BNC2: variants seen among roughly 807,000 people sequenced by gnomAD.
BNC2 encodes zinc finger protein basonuclin-2.
In BNC2, 20 loss-of-function variants were observed where a neutral mutation model predicts 76.3. That is an observed-to-expected ratio of 0.26 (90% CI 0.18 to 0.38). BNC2 has a LOEUF of 0.38. Among genes scored for constraint, BNC2 ranks in the 10% least tolerant of loss-of-function variants. BNC2 has a pLI of 1.00. For synonymous variants in BNC2, 582 were observed against 514.8 expected (o/e 1.13, Z -1.77); for missense variants, 1,382 against 1,399.8 (o/e 0.99, Z 0.20).
chr9:16,471,565 T>G (rs1001801790), intron 5 of BNC2, among the ~76,000 whole-genome samples: 8 of 152,186 alleles, frequency 5.3e-5, no homozygotes, highest in African/African-American at 1.7e-4. Context: ...GTGCCAGGAT[T>G]ACAGGCGTGA....
intron 2 of BNC2, among the ~76,000 whole-genome samples, chr9:16,731,720 C>T (rs3850447): frequency 0.9 from 136,668 of 152,148 alleles, 61,421 homozygotes; most frequent in Non-Finnish European, 0.92. Context: ...AATTTATAGA[C>T]TGCTGTAATT....
intron 3 of BNC2, among the ~76,000 whole-genome samples, chr9:16,688,456 C>A (rs1823043426): frequency 6.6e-6 from 1 of 152,010 alleles, no homozygotes. Context: ...ATGGGGTGTG[C>A]CTAACCATTA....
chr9:16,485,475 A>T lies in BNC2; in HGVS notation c.670-47951T>A, dbSNP rs143937153. ...CATCACCCAGCCACAAGCCTTCTGG[A>T]ATTTCTGCTTAATTTAATAAGAGAC... On this transcript the variant is annotated intron_variant, in intron 5 of 6. Coordinates refer to ENST00000380672, the MANE Select transcript of BNC2 (RefSeq NM_017637.6). 3.3e-5 allele frequency among the ~76,000 whole-genome samples: 5 copies of T among 152,296 alleles called. No homozygotes were observed. The East Asian group carries it at 9.6e-4, about 29-fold the overall frequency.
At chr9:16,846,342 T>A (rs569298815) in intron 1 of BNC2, among the ~76,000 whole-genome samples, 1 of 152,274 alleles carries the variant, frequency 6.6e-6, no homozygotes, top group Non-Finnish European at 1.5e-5. Flanking sequence ...TTTTCACTAT[T>A]TCCTTAAGCA....
At chr9:16,717,535 C>G (rs572246357) in intron 3 of BNC2, among the ~76,000 whole-genome samples, 1 of 152,262 alleles carries the variant, frequency 6.6e-6, no homozygotes, top group South Asian at 2.1e-4. Context: ...AAGCTTTAAG[C>G]TGGTCTCCTC....
intron 2 of BNC2, among the ~76,000 whole-genome samples, chr9:16,733,017 T>C (rs889641292): frequency 1.3e-5 from 2 of 152,230 alleles, no homozygotes; most frequent in African/African-American, 4.8e-5. Flanking sequence ...AACCAGACTT[T>C]ACCATGTAAA....
intron 6 of BNC2, chr9:16,435,037 C>T (rs542822387): frequency 2.3e-5 from 11 of 471,506 alleles, no homozygotes; most frequent in Admixed American, 1.4e-4. Flanking sequence ...GTTATACCTA[C>T]GGAGATGCAG....
intron 4 of BNC2, among the ~76,000 whole-genome samples, chr9:16,561,700 TGA>T (rs1819021163): frequency 1.3e-5 from 2 of 152,188 alleles, no homozygotes; most frequent in African/African-American, 4.8e-5. Flanking sequence ...ATTCACAATT[TGA>T]TTATTAAAAG....
At position 16,643,050 on chromosome 9, in the gene BNC2, G is replaced by A. The variant is rs146557397; in HGVS notation, c.331-59965C>T. Among the ~76,000 whole-genome samples the A allele has an allele frequency of 7.7e-4, 117 of 152,232 alleles. 1 individual carries two copies. Among genetic ancestry groups the A allele is most frequent in the African/African-American group, 2.8e-3 (117 of 41,532 alleles). ...GCCAACAGTAAGTGCTCCCTAAACT[G>A]AGCTATGATTATCACAGTAGAAAGA... On this transcript the variant is annotated intron_variant, in intron 3 of 6. Transcript: ENST00000380672.
chr9:16,750,658 T>C (rs1213099978), intron 1 of BNC2, among the ~76,000 whole-genome samples: 3 of 152,246 alleles, frequency 2.0e-5, no homozygotes, highest in African/African-American at 4.8e-5. Context: ...CCAAGTTCAG[T>C]ATCTCTGAAT....
At chr9:16,435,086 G>A (rs763943749) in intron 6 of BNC2, 20 of 471,240 alleles carry the variant, frequency 4.2e-5, no homozygotes, top group South Asian at 7.7e-5. Context: ...CTTTCCATCC[G>A]TAAATTTCTG....
Position 16,414,802 on chromosome 9 carries a change from C to G in BNC2, c.*4187G>C, listed in dbSNP as rs1235790273. On this transcript the variant is annotated 3_prime_UTR_variant, in exon 7 of 7. Transcript: ENST00000380672. ...TCATTCTCATTTGCTTGGCACATAT[C>G]TGGGGTGTGTACAGAGAAAGGGGAA... is the stretch of plus-strand genomic sequence containing the variant. 1 of 151,920 alleles carries G rather than the reference C, an allele frequency of 6.6e-6. No homozygotes were observed. Among genetic ancestry groups the G allele is most frequent in the East Asian group, 1.9e-4 (1 of 5,176 alleles). 9.4% of individuals were successfully genotyped at this position (151,920 alleles called of 1,614,324 possible).
At chr9:16,682,379 T>A (rs960249841) in intron 3 of BNC2, among the ~76,000 whole-genome samples, 1 of 150,684 alleles carries the variant, frequency 6.6e-6, no homozygotes, top group East Asian at 2.0e-4. Flanking sequence ...TATGCTGCAT[T>A]TAACTAGCAG....
intron 3 of BNC2, among the ~76,000 whole-genome samples, chr9:16,725,119 AC>A (rs1824271053): frequency 6.6e-6 from 1 of 152,132 alleles, no homozygotes; most frequent in African/African-American, 2.4e-5. Flanking sequence ...TTTACCTGTA[AC>A]AAAAACTAGC....
intron 5 of BNC2, chr9:16,476,111 C>T (rs1821922370): frequency 6.6e-6 from 1 of 152,190 alleles, no homozygotes; most frequent in Non-Finnish European, 1.5e-5. Flanking sequence ...GAAAGGGTTT[C>T]CCCCTAAAGA....
intron 6 of BNC2, among the ~76,000 whole-genome samples, chr9:16,430,785 C>A (rs12005952): frequency 0.28 from 42,702 of 152,136 alleles, 9,570 homozygotes; most frequent in African/African-American, 0.63. Flanking sequence ...GGTTTTAATA[C>A]ATCAAATACA....
chr9:16,475,785 T>C (rs559492022), intron 5 of BNC2, among the ~76,000 whole-genome samples: 1 of 152,290 alleles, frequency 6.6e-6, no homozygotes, highest in African/African-American at 2.4e-5. Flanking sequence ...CTGCCTACTG[T>C]AAAGGCAAGT....
chr9:16,796,242 ATTTCT>A (rs1817644031), intron 1 of BNC2, among the ~76,000 whole-genome samples: 1 of 152,206 alleles, frequency 6.6e-6, no homozygotes, highest in Admixed American at 6.5e-5. Flanking sequence ...TTTTACATCC[ATTTCT>A]TTTCAATTAA....
Position 16,517,917 on chromosome 9 carries a change from G to C in BNC2, c.669+34613C>G, listed in dbSNP as rs571021375. Among the ~76,000 whole-genome samples, 27 of 151,944 alleles carry C rather than the reference G, an allele frequency of 1.8e-4. No individual in the cohort carries two copies. In the South Asian group the frequency reaches 5.2e-3, roughly 29 times the overall value. Reference sequence around the variant, plus strand: ...ATACTTCAGATGTGTAAACCAATCCGAAATGGTACTTGGCACAAATATCTC... The same window carrying C: ...ATACTTCAGATGTGTAAACCAATCCCAAATGGTACTTGGCACAAATATCTC... On this transcript the variant is annotated intron_variant, in intron 5 of 6. Coordinates refer to ENST00000380672, the MANE Select transcript of BNC2 (RefSeq NM_017637.6).
Sources: allele counts gnomAD v4.1 joint callset (sites outside exome capture counted in the v4.1 genomes callset), GRCh38; gene constraint gnomAD v4.1.1; transcripts MANE v1.5; gene names NCBI Gene and HGNC (gene_info 2026-07-23, HGNC 2026-07-21).